Variants in CNTN4 observed in about 807,000 individuals in gnomAD.
The protein encoded by CNTN4 is contactin-4.
Under a neutral mutation model 122.5 loss-of-function variants are expected in CNTN4, and 77 were observed. The ratio of observed to expected loss-of-function variants is 0.63; its 90% CI spans 0.52 to 0.76. The LOEUF is 0.76. Ranked by LOEUF, CNTN4 falls within the 30% of genes least tolerant of loss-of-function variation. CNTN4 has a pLI of 0.00. For synonymous variants in CNTN4, 512 were observed against 447.0 expected, an observed-to-expected ratio of 1.15 and a Z score of -1.83; for missense variants, 1,256 against 1,259.1, an observed-to-expected ratio of 1.00 and a Z score of 0.04.
At chr3:2,733,543 T>TGTC (rs1338739724) in intron 4 of CNTN4, among the ~76,000 whole-genome samples, 46 of 126,688 alleles carry the variant, frequency 3.6e-4, no homozygotes, top group Non-Finnish European at 6.1e-4. Flanking sequence ...TTTTTTTTTT[T>TGTC]TTTTTTTTGA....
intron 3 of CNTN4, among the ~76,000 whole-genome samples, chr3:2,379,944 C>G (rs2045956010): frequency 1.3e-5 from 2 of 151,808 alleles, no homozygotes; most frequent in South Asian, 2.1e-4. Flanking sequence ...GTAATCCCAG[C>G]TACTCGGGAG....
chr3:2,534,348 T>G (rs2077716335), intron 3 of CNTN4, among the ~76,000 whole-genome samples: 1 of 152,186 alleles, frequency 6.6e-6, no homozygotes, highest in Non-Finnish European at 1.5e-5. Flanking sequence ...CCCAGCACCA[T>G]TTATTAAATA....
chr3:2,598,218 G>A (rs745319850), intron 4 of CNTN4, among the ~76,000 whole-genome samples: 2 of 152,062 alleles, frequency 1.3e-5, no homozygotes, highest in African/African-American at 4.8e-5. Flanking sequence ...CTGTGGTACC[G>A]AACAACCTCG....
In CNTN4 at chr3:2,157,560, T is replaced by C. The variant is rs972263634; in HGVS notation, c.-145+56921T>C. Among the ~76,000 whole-genome samples the C allele has an allele frequency of 2.0e-5, 3 of 152,346 alleles. No homozygotes were observed. The East Asian group carries it at 5.8e-4, about 29-fold the overall frequency. ...AGTTTTTGGGCTCAAAATCTCACTT[T>C]ACTGTTACTATCTGGGTGACTTTGG... On this transcript the variant is annotated intron_variant, in intron 2 of 24. Coordinates refer to ENST00000418658, the MANE Select transcript of CNTN4 (RefSeq NM_175607.3).
At chr3:2,123,027 C>T (rs2033900845) in intron 2 of CNTN4, among the ~76,000 whole-genome samples, 1 of 152,158 alleles carries the variant, frequency 6.6e-6, no homozygotes, top group African/African-American at 2.4e-5. Flanking sequence ...CTTTGAATTA[C>T]ACAGCAAGTA....
chr3:2,474,907 G>A (rs1374804248), intron 3 of CNTN4, among the ~76,000 whole-genome samples: 1 of 152,086 alleles, frequency 6.6e-6, no homozygotes, highest in African/African-American at 2.4e-5. Context: ...TGTGAAGACA[G>A]TATCATTTAC....
At chr3:2,155,282 C>T (rs1447462095) in intron 2 of CNTN4, among the ~76,000 whole-genome samples, 1 of 152,170 alleles carries the variant, frequency 6.6e-6, no homozygotes, top group African/African-American at 2.4e-5. Flanking sequence ...AGTTACCTGA[C>T]CTCTTACCTT....
rs532084377 is a variant in CNTN4, at chr3:2,587,402, GGC to G, written c.55+15845_55+15846del. Among the ~76,000 whole-genome samples, 569 of 152,236 alleles carry G rather than the reference GGC, an allele frequency of 3.7e-3. 5 individuals are homozygous for G. Among genetic ancestry groups the G allele is most frequent in the African/African-American group, 0.013 (539 of 41,558 alleles). On this transcript the variant is annotated intron_variant, in intron 4 of 24. Transcript: ENST00000418658. ...GAAGTTATGAAGTACTGATAAGACA[GGC>G]AAATATTATTTGCACACAAATGATC...
chr3:2,335,584 G>GT (rs66498510), intron 2 of CNTN4, among the ~76,000 whole-genome samples: 139 of 145,594 alleles, frequency 9.5e-4, no homozygotes, highest in African/African-American at 3.0e-3. Flanking sequence ...AATTCTGTGG[G>GT]TTTTTTTTTT....
chr3:2,120,325 T>G (rs1335174223), intron 2 of CNTN4, among the ~76,000 whole-genome samples: 1 of 132,250 alleles, frequency 7.6e-6, no homozygotes, highest in African/African-American at 2.9e-5. Context: ...TCCATATTAT[T>G]TAAACTATAA....
chr3:2,639,574 A>G (rs564725054), intron 4 of CNTN4, among the ~76,000 whole-genome samples: 2 of 152,288 alleles, frequency 1.3e-5, no homozygotes, highest in Non-Finnish European at 2.9e-5. Context: ...TGCTTATTAT[A>G]TGTTTAATAA....
intron 2 of CNTN4, among the ~76,000 whole-genome samples, chr3:2,303,330 A>G (rs1409513036): frequency 6.6e-6 from 1 of 152,096 alleles, no homozygotes; most frequent in Non-Finnish European, 1.5e-5. Flanking sequence ...GAATGTTTTT[A>G]TCACCCCTGC....
chr3:3,020,028 C>T (rs1343610049), intron 14 of CNTN4, among the ~76,000 whole-genome samples: 2 of 151,968 alleles, frequency 1.3e-5, no homozygotes, highest in Non-Finnish European at 2.9e-5. Context: ...GAAAATTCAG[C>T]AATAAACACA....
chr3:2,521,709 C>G (rs1046266330), intron 3 of CNTN4, among the ~76,000 whole-genome samples: 1 of 152,028 alleles, frequency 6.6e-6, no homozygotes, highest in African/African-American at 2.4e-5. Context: ...TTTGTAATTT[C>G]TTTCCCCCAA....
chr3:2,627,700 A>C (rs189413828), intron 4 of CNTN4, among the ~76,000 whole-genome samples: 2 of 151,830 alleles, frequency 1.3e-5, no homozygotes, highest in Non-Finnish European at 2.9e-5. Context: ...TCACCGTGTT[A>C]GCCAGGATGG....
intron 6 of CNTN4, among the ~76,000 whole-genome samples, chr3:2,784,429 C>T (rs1259962214): frequency 2.6e-5 from 4 of 152,244 alleles, no homozygotes; most frequent in East Asian, 3.9e-4. Flanking sequence ...TAATTAGACC[C>T]TTTTTTCAGA....
chr3:2,293,273 G>A (rs1251464015), intron 2 of CNTN4, among the ~76,000 whole-genome samples: 1 of 152,162 alleles, frequency 6.6e-6, no homozygotes, highest in Non-Finnish European at 1.5e-5. Context: ...GGGAATATTA[G>A]TAGTACTATC....
intron 13 of CNTN4, among the ~76,000 whole-genome samples, chr3:2,953,930 A>C (rs780903619): frequency 1.3e-5 from 2 of 152,192 alleles, no homozygotes; most frequent in Admixed American, 6.5e-5. Flanking sequence ...ATCTAGATAA[A>C]ATGTTTAGGG....
intron 2 of CNTN4, among the ~76,000 whole-genome samples, chr3:2,175,605 A>G (rs1008471011): frequency 3.9e-5 from 6 of 152,228 alleles, no homozygotes; most frequent in African/African-American, 1.4e-4. Flanking sequence ...TCAATGCCAT[A>G]CAGAGGATTG....
Sources: gnomAD v4.1 joint callset for allele counts (sites outside exome capture counted in the v4.1 genomes callset) on GRCh38, gnomAD v4.1.1 for gene constraint, MANE v1.5 for transcripts, NCBI Gene and HGNC (gene_info 2026-07-23, HGNC 2026-07-21) for gene names.